The following MLLT10 variants were observed in gnomAD, a reference collection of about 807,000 sequenced individuals.
MLLT10 encodes the protein MLLT10 histone lysine methyltransferase DOT1L cofactor, also known as protein AF-10.
Under a neutral mutation model 129.1 loss-of-function variants are expected in MLLT10, and 30 were observed. The ratio of observed to expected loss-of-function variants is 0.23; its 90% confidence interval spans 0.17 to 0.32. MLLT10 has a LOEUF of 0.32. Ranked by LOEUF, MLLT10 falls within the 10% of genes least tolerant of loss-of-function variation. The probability of loss-of-function intolerance (pLI) is 1.00; values close to 1 mark genes in which losing one functional copy is unlikely to be tolerated. For missense variants in MLLT10, 1,119 were observed against 1,268.3 expected (o/e 0.88, Z 1.79); for synonymous variants, 490 against 446.4 (o/e 1.10, Z -1.23).
rs1163740638 is a variant in MLLT10, at chr10:21,697,099, CA to C, written c.1699+14865del. ...AGAAGTGAATTCTGTCTGATTTAAG[CA>C]AAAAAAAAAAAAAAAAAAAAAAGAG... is the stretch of plus-strand genomic sequence containing the variant. On this transcript the variant is annotated intron_variant, in intron 13 of 22. Coordinates refer to ENST00000307729, the MANE Select transcript of MLLT10 (RefSeq NM_001195626.3). Among the ~76,000 whole-genome samples the C allele has an allele frequency of 6.5e-3, 535 of 82,626 alleles. 2 individuals carry two copies. Among genetic ancestry groups the C allele is most frequent in the Non-Finnish European group, 9.0e-3 (416 of 46,270 alleles). 54.2% of individuals were successfully genotyped at this position (82,626 alleles called of 152,430 possible).
chr10:21,653,932 C>T (rs183353009), intron 9 of MLLT10, among the ~76,000 whole-genome samples: 36 of 152,258 alleles, frequency 2.4e-4, no homozygotes, highest in Admixed American at 2.0e-3. Context: ...CCTTAGGAGG[C>T]TCAGGACCTC....
intron 4 of MLLT10, among the ~76,000 whole-genome samples, chr10:21,586,967 T>G (rs1347091786): frequency 6.6e-6 from 1 of 152,064 alleles, no homozygotes; most frequent in Non-Finnish European, 1.5e-5. Context: ...GCCACATTTT[T>G]TTGTTGTTGT....
chr10:21,623,571 T>G (rs2046119006), intron 8 of MLLT10, among the ~76,000 whole-genome samples: 1 of 152,204 alleles, frequency 6.6e-6, no homozygotes, highest in Non-Finnish European at 1.5e-5. Context: ...ATTATATATG[T>G]CACAACTGTA....
At chr10:21,687,587 C>T in intron 13 of MLLT10, among the ~76,000 whole-genome samples, 1 of 152,134 alleles carries the variant, frequency 6.6e-6, no homozygotes, top group East Asian at 1.9e-4. Context: ...ACTGTCACAT[C>T]CTAGGATACA....
At chr10:21,641,775 G>T (rs1002609144) in intron 8 of MLLT10, among the ~76,000 whole-genome samples, 5 of 152,196 alleles carry the variant, frequency 3.3e-5, no homozygotes, top group African/African-American at 9.6e-5. Context: ...TAGTTGGGGT[G>T]CTTTTAGCTC....
At chr10:21,559,925 A>G (rs1336157440) in intron 3 of MLLT10, among the ~76,000 whole-genome samples, 4 of 151,610 alleles carry the variant, frequency 2.6e-5, no homozygotes, top group Non-Finnish European at 4.4e-5. Flanking sequence ...CTGGTATTCT[A>G]GCATCTGTTT....
intron 7 of MLLT10, 71 bp from the exon 8 acceptor site, chr10:21,617,041 G>A: frequency 1.6e-6 from 1 of 636,542 alleles, no homozygotes; most frequent in Admixed American, 3.9e-5. Context: ...ATTGGTTTAA[G>A]CCTAACAAAA....
At chr10:21,619,982 TGCAGTGGC>T (rs893669373) in intron 8 of MLLT10, among the ~76,000 whole-genome samples, 2 of 150,392 alleles carry the variant, frequency 1.3e-5, no homozygotes, top group Admixed American at 1.3e-4. Flanking sequence ...CAGGCTGGAG[TGCAGTGGC>T]GCAGTCTCAG....
At chr10:21,551,659 C>G (rs2037050710) in intron 3 of MLLT10, among the ~76,000 whole-genome samples, 1 of 151,858 alleles carries the variant, frequency 6.6e-6, no homozygotes, top group African/African-American at 2.4e-5. Context: ...CTTTTCTAAC[C>G]TCCCTACAAA....
At chr10:21,554,885 G>A (rs941476077) in intron 3 of MLLT10, among the ~76,000 whole-genome samples, 23 of 150,632 alleles carry the variant, frequency 1.5e-4, no homozygotes, top group Admixed American at 1.1e-3. Flanking sequence ...GCATTGGTGC[G>A]ATCTTGGCTC....
Position 21,735,151 on chromosome 10 carries a change from A to G in MLLT10, c.2871A>G (p.Leu957=). 6.2e-7 allele frequency: 1 copy of G among 1,613,632 alleles called. No individual in the cohort carries two copies. Among genetic ancestry groups the G allele is most frequent in the Non-Finnish European group, 8.5e-7 (1 of 1,179,772 alleles). The change falls in exon 21 of 23, where the codon CTA becomes CTG. Residue 957 remains leucine, a synonymous_variant. Coordinates refer to ENST00000307729, the MANE Select transcript of MLLT10 (RefSeq NM_001195626.3). ...PATLTNSASG[L]GLLSDQQRQI... ...AATCATTTTTCAGTGCCTCAGGACTAGGATTACTTTCTGACCAGCAACGAC... is the reference window on the plus strand; with the variant it reads ...AATCATTTTTCAGTGCCTCAGGACTGGGATTACTTTCTGACCAGCAACGAC...
chr10:21,704,016 GTTTTTTTTTTTTT>G (rs60982595), intron 13 of MLLT10, among the ~76,000 whole-genome samples: 5 of 56,636 alleles, frequency 8.8e-5, no homozygotes, highest in East Asian at 6.1e-4. Context: ...ATTGTTTTTT[GTTTTTTTTTTTTT>G]TTTTTTTTTT....
rs764904238 is a variant in MLLT10 at position 21,673,719 on chromosome 10, G to A, written c.1421G>A (p.Ser474Asn). ...KEKKRKGNKQ[S>N]KHGPGRPKGN... Reference sequence around the variant, plus strand: ...AAGAAAAGGAAAGGAAATAAACAAAGTAAGCATGGGCCTGGCAGACCCAAA... The same window carrying A: ...AAGAAAAGGAAAGGAAATAAACAAAATAAGCATGGGCCTGGCAGACCCAAA... The change falls in exon 11 of 23, where the codon AGT (serine) becomes AAT (asparagine). Residue 474 changes from serine to asparagine, a missense_variant. Transcript: ENST00000307729. 1 of 1,614,006 alleles carries A rather than the reference G, an allele frequency of 6.2e-7. No individual in the cohort carries two copies.
chr10:21,664,876 A>G (rs2050591462), intron 9 of MLLT10, among the ~76,000 whole-genome samples: 1 of 149,628 alleles, frequency 6.7e-6, no homozygotes, highest in African/African-American at 2.5e-5. Flanking sequence ...CTTTAGCTTG[A>G]TGTTTCTTTT....
intron 14 of MLLT10, 112 bp downstream of exon 14, chr10:21,714,062 A>C: frequency 1.2e-6 from 1 of 857,348 alleles, no homozygotes; most frequent in Non-Finnish European, 1.7e-6. Flanking sequence ...AATTTATGAA[A>C]TACCTCAATT....
chr10:21,654,087 A>G (rs975053117), intron 9 of MLLT10, among the ~76,000 whole-genome samples: 3 of 152,212 alleles, frequency 2.0e-5, no homozygotes, highest in Non-Finnish European at 4.4e-5. Context: ...TCATATATTA[A>G]GGACTAGCCC....
At position 21,691,059 on chromosome 10, in the gene MLLT10, T is replaced by C. The variant is rs79670749; in HGVS notation, c.1699+8802T>C. On this transcript the variant is annotated intron_variant, in intron 13 of 22. Coordinates refer to ENST00000307729, the MANE Select transcript of MLLT10 (RefSeq NM_001195626.3). ...CTTATTCTTCCTTACGGTAATCTTCTTGGGAAAACAAATTATAATTGGAAA... is the reference window on the plus strand; with the variant it reads ...CTTATTCTTCCTTACGGTAATCTTCCTGGGAAAACAAATTATAATTGGAAA... Among the ~76,000 whole-genome samples, 453 of 152,302 alleles carry C rather than the reference T, an allele frequency of 3.0e-3. 1 individual carries two copies. The highest frequency in any genetic ancestry group is 5.4e-3 in the Non-Finnish European group (364 of 68,010).
At position 21,609,522 on chromosome 10, in the gene MLLT10, C is replaced by G. The variant is rs527667183; in HGVS notation, c.406-2826C>G. Among the ~76,000 whole-genome samples, 3 of 152,288 alleles carry G rather than the reference C, an allele frequency of 2.0e-5. No homozygotes were observed. In the East Asian group the frequency reaches 5.8e-4, roughly 29 times the overall value. On this transcript the variant is annotated intron_variant, in intron 5 of 22. Transcript: ENST00000307729. ...GAATGCTTTTAGGTTCGTCACAAATCCTGATACAATTTCTCCCCATTGGGT... is the reference window on the plus strand; with the variant it reads ...GAATGCTTTTAGGTTCGTCACAAATGCTGATACAATTTCTCCCCATTGGGT...
chr10:21,552,031 A>T (rs1373657005), intron 3 of MLLT10: 2 of 236,536 alleles, frequency 8.5e-6, no homozygotes, highest in Non-Finnish European at 1.7e-5. Flanking sequence ...ACCTCAGGTC[A>T]TCCTCCCACC....
Sources: allele counts gnomAD v4.1 joint callset (sites outside exome capture counted in the v4.1 genomes callset), GRCh38; gene constraint gnomAD v4.1.1; transcripts MANE v1.5; gene names NCBI Gene and HGNC (gene_info 2026-07-23, HGNC 2026-07-21).